NFIA: variants seen among roughly 807,000 people sequenced by gnomAD.
NFIA encodes nuclear factor I A, also known as nuclear factor 1 A-type.
A neutral mutation model predicts 62.8 loss-of-function variants in NFIA; 8 were observed. The observed-to-expected ratio is 0.13, with a 90% CI of 0.07 to 0.23. The LOEUF is 0.23. Among genes scored for constraint, NFIA ranks in the 10% least tolerant of loss-of-function variants. The probability of loss-of-function intolerance (pLI) is 1.00; values close to 1 mark genes in which losing one functional copy is unlikely to be tolerated. For missense variants in NFIA, 410 were observed against 642.1 expected (o/e 0.64, Z 3.91); for synonymous variants, 235 against 238.1 (o/e 0.99, Z 0.12).
Position 61,404,088 on chromosome 1 carries a change from T to C in NFIA, c.1076-16T>C. The C allele has an allele frequency of 6.2e-7, 1 of 1,613,554 alleles. No individual in the cohort carries two copies. The highest frequency in any genetic ancestry group is 8.5e-7 in the Non-Finnish European group (1 of 1,179,632). On this transcript the variant is annotated splice_polypyrimidine_tract_variant and intron_variant, in intron 7 of 10. Transcript: ENST00000403491. ...GGTCTTTCTTTTCATAACCCTGATGTTTTCTTTTCCTGCAGCAAGTCCGCA... is the reference window on the plus strand; with the variant it reads ...GGTCTTTCTTTTCATAACCCTGATGCTTTCTTTTCCTGCAGCAAGTCCGCA...
chr1:61,150,459 A>G (rs1489575337), intron 2 of NFIA, among the ~76,000 whole-genome samples: 2 of 152,338 alleles, frequency 1.3e-5, no homozygotes, highest in Non-Finnish European at 2.9e-5. Context: ...GCATCCTTTC[A>G]TGGTACGATA....
rs772292595 is a variant in NFIA at position 61,460,873 on chromosome 1, C to T, written c.*5553C>T. On this transcript the variant is annotated 3_prime_UTR_variant, in exon 11 of 11. Transcript: ENST00000403491. The stretch of plus-strand genomic sequence containing the variant: ...TCAAAGTTATGTTAGTCTTTTTTTC[C>T]GACTTGGTTCTTGTCAGCTAGGTTT... 23 of 152,030 alleles carry T rather than the reference C, an allele frequency of 1.5e-4. No individual in the cohort carries two copies. The highest frequency in any genetic ancestry group is 3.4e-4 in the African/African-American group (14 of 41,398). 9.4% of individuals were successfully genotyped at this position (152,030 alleles called of 1,614,324 possible). A position where few individuals can be genotyped will look rare whatever the true frequency, so the allele number is the denominator to read the frequency against.
intron 6 of NFIA, among the ~76,000 whole-genome samples, chr1:61,368,050 G>A (rs1663686201): frequency 6.6e-6 from 1 of 152,212 alleles, no homozygotes; most frequent in Non-Finnish European, 1.5e-5. Context: ...GCTTGCATCG[G>A]AGAACCCAGA....
At chr1:61,126,027 G>A (rs1646960914) in intron 2 of NFIA, among the ~76,000 whole-genome samples, 1 of 152,122 alleles carries the variant, frequency 6.6e-6, no homozygotes, top group African/African-American at 2.4e-5. Flanking sequence ...CATCTCATCT[G>A]ACTTATGTAT....
intron 6 of NFIA, among the ~76,000 whole-genome samples, chr1:61,377,930 T>A (rs947622974): frequency 6.6e-6 from 1 of 152,150 alleles, no homozygotes; most frequent in South Asian, 2.1e-4. Flanking sequence ...ATAATTATAG[T>A]TTATGGTGAT....
chr1:61,311,301 G>A (rs1404145657), intron 3 of NFIA, among the ~76,000 whole-genome samples: 1 of 152,128 alleles, frequency 6.6e-6, no homozygotes, highest in African/African-American at 2.4e-5. Context: ...TGAGGCAGGA[G>A]AATCGCTTGA....
intron 2 of NFIA, among the ~76,000 whole-genome samples, chr1:61,268,394 G>T (rs1277950072): frequency 6.6e-6 from 1 of 151,568 alleles, no homozygotes; most frequent in Non-Finnish European, 1.5e-5. Flanking sequence ...TTATCTTCCT[G>T]CCCCTCTACT....
At chr1:61,139,044 A>G (rs1647305717) in intron 2 of NFIA, among the ~76,000 whole-genome samples, 1 of 151,816 alleles carries the variant, frequency 6.6e-6, no homozygotes, top group South Asian at 2.1e-4. Flanking sequence ...ACAAAAATTA[A>G]CTGGGTGCCT....
At chr1:61,331,729 G>T (rs1661310089) in intron 3 of NFIA, among the ~76,000 whole-genome samples, 1 of 151,984 alleles carries the variant, frequency 6.6e-6, no homozygotes, top group East Asian at 2.0e-4. Context: ...TGTGTTCCTT[G>T]TCATTTATAA....
chr1:61,381,676 TA>T (rs1490618193), intron 6 of NFIA, among the ~76,000 whole-genome samples: 1 of 152,176 alleles, frequency 6.6e-6, no homozygotes, highest in Non-Finnish European at 1.5e-5. Context: ...TTCATGAAGC[TA>T]CAGATAAAGC....
chr1:61,238,123 G>C (rs1026295328), intron 2 of NFIA, among the ~76,000 whole-genome samples: 6 of 152,132 alleles, frequency 3.9e-5, no homozygotes, highest in Admixed American at 2.0e-4. Context: ...AAGACCCCAA[G>C]GAGCTAAAGC....
intron 2 of NFIA, among the ~76,000 whole-genome samples, chr1:61,230,528 A>C (rs781000884): frequency 6.6e-6 from 1 of 152,086 alleles, no homozygotes; most frequent in Non-Finnish European, 1.5e-5. Context: ...TGTTTCCTTC[A>C]ATTTTAGACC....
At chr1:61,430,960 T>C (rs1293955553) in intron 10 of NFIA, among the ~76,000 whole-genome samples, 1 of 152,168 alleles carries the variant, frequency 6.6e-6, no homozygotes, top group African/African-American at 2.4e-5. Context: ...ACTGAGAAAC[T>C]GTGGCCACTT....
At chr1:61,368,672 A>G (rs1663726502) in intron 6 of NFIA, among the ~76,000 whole-genome samples, 1 of 152,242 alleles carries the variant, frequency 6.6e-6, no homozygotes, top group Non-Finnish European at 1.5e-5. Flanking sequence ...CGTGCAGGGC[A>G]CTATACATAT....
intron 10 of NFIA, among the ~76,000 whole-genome samples, chr1:61,438,879 G>T (rs753481457): frequency 2.0e-5 from 3 of 151,988 alleles, no homozygotes; most frequent in Non-Finnish European, 4.4e-5. Flanking sequence ...ATTGCAGATT[G>T]GTATGAGTGA....
At chr1:61,090,612 A>G (rs1646303622) in intron 2 of NFIA, among the ~76,000 whole-genome samples, 1 of 152,192 alleles carries the variant, frequency 6.6e-6, no homozygotes, top group Non-Finnish European at 1.5e-5. Flanking sequence ...TGAAGGGGTT[A>G]TGTTGGTAAA....
intron 3 of NFIA, among the ~76,000 whole-genome samples, chr1:61,305,007 A>G (rs1659689464): frequency 1.3e-5 from 2 of 152,222 alleles, no homozygotes; most frequent in Admixed American, 6.5e-5. Context: ...GTAGATTTCT[A>G]TTCTCTTTTC....
intron 3 of NFIA, among the ~76,000 whole-genome samples, chr1:61,304,206 G>A (rs1003527309): frequency 3.3e-5 from 5 of 151,972 alleles, no homozygotes; most frequent in African/African-American, 7.3e-5. Context: ...AACCTGAGAG[G>A]TGGAGGTTGC....
intron 3 of NFIA, among the ~76,000 whole-genome samples, chr1:61,289,380 T>C (rs1338744072): frequency 3.9e-5 from 6 of 152,156 alleles, no homozygotes; most frequent in Non-Finnish European, 5.9e-5. Flanking sequence ...AATATAATCC[T>C]ATGGAGGTAG....
Sources: gnomAD v4.1 joint callset for allele counts (sites outside exome capture counted in the v4.1 genomes callset) on GRCh38, gnomAD v4.1.1 for gene constraint, MANE v1.5 for transcripts, NCBI Gene and HGNC (gene_info 2026-07-23, HGNC 2026-07-21) for gene names.